ZNF786: variants seen among roughly 807,000 people sequenced by gnomAD.
ZNF786 encodes the protein zinc finger protein 786.
Under a neutral mutation model 63.1 loss-of-function variants are expected in ZNF786, and 56 were observed. That is an observed-to-expected ratio of 0.89 (90% CI 0.72 to 1.11). ZNF786 has a LOEUF of 1.11. Ranked by LOEUF, ZNF786 falls within the 50% of genes least tolerant of loss-of-function variation. ZNF786 has a pLI of 0.00. For synonymous variants in ZNF786, 485 were observed against 406.9 expected (o/e 1.19, Z -2.31); for missense variants, 1,213 against 1,041.8 (o/e 1.16, Z -2.26).
rs571736582 is a variant in ZNF786, at chr7:149,070,801, A to G, written c.1971T>C (p.Phe657=). 1 of 1,613,696 alleles carries G rather than the reference A, an allele frequency of 6.2e-7. No individual in the cohort carries two copies. Among genetic ancestry groups the G allele is most frequent in the East Asian group, 2.2e-5 (1 of 44,880 alleles). Residue 657 remains phenylalanine (F), a synonymous_variant, in exon 4 of 4, where the codon TTT becomes TTC. Transcript: ENST00000491431. ...MPFSCECGKG[F]VKHSKLIEHI... is the part of the protein sequence containing the mutation. ...GCTCGATGAGCTTTGAGTGTTTCAC[A>G]AAGCCCTTGCCGCACTCACAGGAGA...
At chr7:149,083,932 T>A (rs1825690740) in intron 1 of ZNF786, among the ~76,000 whole-genome samples, 1 of 152,238 alleles carries the variant, frequency 6.6e-6, no homozygotes, top group South Asian at 2.1e-4. Flanking sequence ...AGTCTGCCAT[T>A]GATGGGCATT....
Position 149,071,251 on chromosome 7 carries a change from C to A in ZNF786, c.1521G>T (p.Arg507Ser). ...RAHRLRHGGE[R>S]PFSCSECGRG... The stretch of plus-strand genomic sequence containing the variant: ...TGCCACACTCGCTACAGGAGAACGG[C>A]CTCTCCCCACCGTGCCGGAGCCGGT... The change falls in exon 4 of 4, where the codon AGG becomes AGT. Residue 507 changes from arginine (R) to serine (S), a missense_variant. Arg to Ser is a moderately radical substitution (Grantham distance 110). Coordinates refer to ENST00000491431, the MANE Select transcript of ZNF786 (RefSeq NM_152411.4). 1 of 1,612,432 alleles carries A rather than the reference C, an allele frequency of 6.2e-7. No homozygotes were observed.
In ZNF786 at chr7:149,074,485, G is replaced by C. The variant is rs1162311632; in HGVS notation, c.199C>G (p.Pro67Ala). 6.2e-7 allele frequency: 1 copy of C among 1,613,764 alleles called. No homozygotes were observed. The highest frequency in any genetic ancestry group is 1.7e-5 in the Admixed American group (1 of 59,984). ...LISWIEHGGEPFRKWRESQKS... is the reference protein window; with the variant it reads ...LISWIEHGGEAFRKWRESQKS... ...TGTGATTCTCTCCATTTCCTGAAGG[G>C]CTCTCCCCCGTGTTCAATCCAGGAT... is the stretch of plus-strand genomic sequence containing the variant. Residue 67 changes from proline to alanine, a missense_variant, in exon 3 of 4, where the codon CCC (proline) becomes GCC (alanine). Transcript: ENST00000491431.
intron 1 of ZNF786, among the ~76,000 whole-genome samples, chr7:149,081,435 CAAAAAAAAAAA>C (rs749538585): frequency 7.6e-4 from 35 of 46,230 alleles, no homozygotes; most frequent in South Asian, 2.2e-3. Flanking sequence ...GACTCGGTCT[CAAAAAAAAAAA>C]AAAAAAAAAA....
intron 1 of ZNF786, among the ~76,000 whole-genome samples, chr7:149,089,614 G>A (rs532273382): frequency 2.0e-5 from 3 of 152,158 alleles, no homozygotes; most frequent in African/African-American, 7.2e-5. Context: ...ACGGCGCCTG[G>A]CCTGAATGTC....
intron 1 of ZNF786, among the ~76,000 whole-genome samples, chr7:149,089,713 G>C (rs1284577415): frequency 6.6e-6 from 1 of 151,648 alleles, no homozygotes; most frequent in Non-Finnish European, 1.5e-5. Context: ...CATATATATA[G>C]GTATGTATAT....
At chr7:149,073,747 G>GTGTATGTATA (rs1447329296) in intron 3 of ZNF786, among the ~76,000 whole-genome samples, 3 of 77,562 alleles carry the variant, frequency 3.9e-5, no homozygotes, top group African/African-American at 1.4e-4. Flanking sequence ...GTGTGTGTGT[G>GTGTATGTATA]TATATATATA....
At chr7:149,081,549 C>T (rs1825654497) in intron 1 of ZNF786, among the ~76,000 whole-genome samples, 1 of 145,740 alleles carries the variant, frequency 6.9e-6, no homozygotes, top group Non-Finnish European at 1.5e-5. Flanking sequence ...AAAGAGAAAA[C>T]ACATCTTCAG....
At chr7:149,079,338 G>A (rs1166280623) in intron 2 of ZNF786, among the ~76,000 whole-genome samples, 1 of 151,880 alleles carries the variant, frequency 6.6e-6, no homozygotes, top group African/African-American at 2.4e-5. Context: ...GAACCCGTAA[G>A]GCGGAGCTTG....
rs779256801 is a variant in ZNF786 at position 149,070,866 on chromosome 7, T to G, written c.1906A>C (p.Met636Leu). ...CDKRYRVKAD[M>L]KAHQLLHSGE... Reference sequence around the variant, plus strand: ...CTGTGCAGCAGCTGGTGGGCCTTCATGTCGGCCTTCACGCGATAGCGCTTG... The same window carrying G: ...CTGTGCAGCAGCTGGTGGGCCTTCAGGTCGGCCTTCACGCGATAGCGCTTG... Residue 636 changes from methionine (M) to leucine (L), a missense_variant, in exon 4 of 4, where the codon ATG (methionine) becomes CTG (leucine). Coordinates refer to ENST00000491431, the MANE Select transcript of ZNF786 (RefSeq NM_152411.4). The G allele has an allele frequency of 8.7e-6, 14 of 1,610,258 alleles. No individual in the cohort carries two copies. Among genetic ancestry groups the G allele is most frequent in the African/African-American group, 1.4e-5 (1 of 73,558 alleles).
chr7:149,071,799 A>AG lies in ZNF786; in HGVS notation c.972dup (p.Ser325LeufsTer115). The stretch of plus-strand genomic sequence containing the variant: ...GAGGCCCCGCGGCCTTCTCTCCAAG[A>AG]GGCCGGCCCCTCCCGGCTGTGCTGG... On this transcript the variant is annotated frameshift_variant, in exon 4 of 4. Coordinates refer to ENST00000491431, the MANE Select transcript of ZNF786 (RefSeq NM_152411.4). LOFTEE classifies it high-confidence loss of function. 1 of 1,584,380 alleles carries AG rather than the reference A, an allele frequency of 6.3e-7. No individual in the cohort carries two copies. Among genetic ancestry groups the AG allele is most frequent in the Non-Finnish European group, 8.5e-7 (1 of 1,170,484 alleles).
chr7:149,089,340 A>G (rs1422765942), intron 1 of ZNF786, among the ~76,000 whole-genome samples: 1 of 151,124 alleles, frequency 6.6e-6, no homozygotes. Context: ...TTTGAGATAG[A>G]GTCTCGCTCT....
chr7:149,087,993 CTTTTT>C (rs11304737), intron 1 of ZNF786, among the ~76,000 whole-genome samples: 1 of 126,270 alleles, frequency 7.9e-6, no homozygotes, highest in Non-Finnish European at 1.7e-5. Context: ...GTTGCCCAGG[CTTTTT>C]TTTTTTTTTT....
At position 149,076,921 on chromosome 7, in the gene ZNF786, T is replaced by C. The variant is rs149086506; in HGVS notation, c.146-2383A>G. On this transcript the variant is annotated intron_variant, in intron 2 of 3. Transcript: ENST00000491431. Reference sequence around the variant, plus strand: ...GCCTCTATGAATACACACATAAGCATTGACAGTTCTTGAAGTGAATTGCTG... The same window carrying C: ...GCCTCTATGAATACACACATAAGCACTGACAGTTCTTGAAGTGAATTGCTG... 9.7e-4 allele frequency among the ~76,000 whole-genome samples: 147 copies of C among 152,272 alleles called. 2 individuals are homozygous for C. The Middle Eastern group carries it at 0.014, about 14-fold the overall frequency.
Position 149,070,665 on chromosome 7 carries a change from G to C in ZNF786, c.2107C>G (p.Pro703Ala), listed in dbSNP as rs200869206. The C allele has an allele frequency of 9.3e-6, 15 of 1,613,864 alleles. No individual in the cohort carries two copies. The African/African-American group carries it at 1.3e-4, about 14-fold the overall frequency. ...SHQGLHTGER[P>A]FHCPECDKNF... ...TTGTCACACTCAGGGCAGTGAAAAG[G>C]CCTCTCCCCTGTGTGCAGGCCCTGA... Residue 703 changes from proline (P) to alanine (A), a missense_variant, in exon 4 of 4, where the codon CCT becomes GCT. By Grantham distance (27) the Pro-to-Ala change is conservative (BLOSUM62 -1). Transcript: ENST00000491431.
intron 3 of ZNF786, 112 bp from the exon 4 acceptor site, chr7:149,072,585 C>T: frequency 2.4e-6 from 3 of 1,250,766 alleles, no homozygotes; most frequent in Non-Finnish European, 3.2e-6. Flanking sequence ...AACCCAGCTT[C>T]CACTGAGCTA....
chr7:149,090,264 C>T (rs574687720), intron 1 of ZNF786, among the ~76,000 whole-genome samples: 60 of 152,342 alleles, frequency 3.9e-4, no homozygotes, highest in African/African-American at 1.3e-3. Flanking sequence ...ATTTCGGTGA[C>T]TATGATGTAA....
At position 149,087,405 on chromosome 7, in the gene ZNF786, C is replaced by T. The variant is rs1825755824; in HGVS notation, c.18+3218G>A. On this transcript the variant is annotated intron_variant, in intron 1 of 3. Coordinates refer to ENST00000491431, the MANE Select transcript of ZNF786 (RefSeq NM_152411.4). ...TCAGAACAATTTTGTCCCCTGGCAA[C>T]ATTTTTTATTGTTATAATGTGGGGA... Among the ~76,000 whole-genome samples the T allele has an allele frequency of 2.0e-5, 3 of 152,258 alleles. No homozygotes were observed. In the South Asian group the frequency reaches 6.2e-4, roughly 31 times the overall value.
Position 149,071,488 on chromosome 7 carries a change from C to T in ZNF786, c.1284G>A (p.Arg428=), listed in dbSNP as rs557754340. ...GCTTGGCGAAGCCCTTGCCACACTT[C>T]CTGCAGGAGAACGGTCTCTCCCCAC... ...AHGGERPFSC[R]KCGKGFAKQC... is the part of the protein sequence containing the mutation. The change falls in exon 4 of 4, where the codon AGG becomes AGA. Residue 428 remains arginine, a synonymous_variant. Coordinates refer to ENST00000491431, the MANE Select transcript of ZNF786 (RefSeq NM_152411.4). 6 of 1,610,366 alleles carry T rather than the reference C, an allele frequency of 3.7e-6. No homozygotes were observed. The East Asian group carries it at 1.3e-4, about 36-fold the overall frequency.
Sources: gnomAD v4.1 joint callset for allele counts (sites outside exome capture counted in the v4.1 genomes callset) on GRCh38, gnomAD v4.1.1 for gene constraint, MANE v1.5 for transcripts, NCBI Gene and HGNC (gene_info 2026-07-23, HGNC 2026-07-21) for gene names.